The following MCF2L2 variants were observed in gnomAD, a reference collection of about 807,000 sequenced individuals.
The protein encoded by MCF2L2 is MCF.2 cell line derived transforming sequence-like 2.
A neutral mutation model predicts 150.2 loss-of-function variants in MCF2L2; 102 were observed. The ratio of observed to expected loss-of-function variants is 0.68; its 90% CI spans 0.58 to 0.80. The LOEUF (loss-of-function observed/expected upper bound fraction) is 0.80. MCF2L2 is among the 30% of genes least tolerant of loss of function. The pLI is 0.00. For missense variants in MCF2L2, 1,256 were observed against 1,372.8 expected (o/e 0.91, Z 1.34); for synonymous variants, 465 against 491.3 (o/e 0.95, Z 0.71).
At chr3:183,290,532 T>G (rs1728074875) in intron 13 of MCF2L2, among the ~76,000 whole-genome samples, 1 of 151,462 alleles carries the variant, frequency 6.6e-6, no homozygotes, top group Non-Finnish European at 1.5e-5. Context: ...AGCATTTCTT[T>G]CTTTCTTTCT....
At chr3:183,308,851 A>G (rs1729226459) in intron 10 of MCF2L2, among the ~76,000 whole-genome samples, 1 of 152,198 alleles carries the variant, frequency 6.6e-6, no homozygotes, top group Non-Finnish European at 1.5e-5. Flanking sequence ...CACTTTGGCA[A>G]ATCTCTAGTA....
chr3:183,337,165 C>G (rs560026444), intron 5 of MCF2L2, among the ~76,000 whole-genome samples: 4 of 152,220 alleles, frequency 2.6e-5, no homozygotes, highest in African/African-American at 9.6e-5. Context: ...CTTGTATATA[C>G]TTTTCCGCTG....
chr3:183,344,207 T>G (rs1429500473), intron 3 of MCF2L2, among the ~76,000 whole-genome samples: 2 of 152,084 alleles, frequency 1.3e-5, no homozygotes, highest in African/African-American at 4.8e-5. Flanking sequence ...TTATATTGTA[T>G]ATAAAGTGGT....
At chr3:183,405,273 T>A (rs553711119) in intron 1 of MCF2L2, among the ~76,000 whole-genome samples, 93 of 152,356 alleles carry the variant, frequency 6.1e-4, no homozygotes, top group Non-Finnish European at 1.1e-3. Flanking sequence ...CTTTTCTGTA[T>A]TTTCCAAATA....
intron 15 of MCF2L2, among the ~76,000 whole-genome samples, chr3:183,251,079 A>G (rs538567205): frequency 5.9e-5 from 9 of 152,312 alleles, no homozygotes; most frequent in African/African-American, 2.2e-4. Context: ...GGAAACAACC[A>G]GAGTCTCTCT....
chr3:183,320,999 C>G (rs1312456465), intron 6 of MCF2L2, among the ~76,000 whole-genome samples: 1 of 152,162 alleles, frequency 6.6e-6, no homozygotes, highest in Non-Finnish European at 1.5e-5. Context: ...GGGAGAGAGA[C>G]AGGTGATGAC....
intron 27 of MCF2L2, among the ~76,000 whole-genome samples, chr3:183,190,469 C>T (rs1467740891): frequency 6.6e-6 from 1 of 152,188 alleles, no homozygotes; most frequent in Non-Finnish European, 1.5e-5. Flanking sequence ...TCAGATGAAA[C>T]CTGGAAGACA....
intron 1 of MCF2L2, among the ~76,000 whole-genome samples, chr3:183,409,790 A>AG (rs552154488): frequency 5.8e-4 from 88 of 152,132 alleles, no homozygotes; most frequent in Non-Finnish European, 9.3e-4. Context: ...TCTTAACCTC[A>AG]GGTTATCCAG....
At chr3:183,310,586 C>A in intron 9 of MCF2L2, 1 of 313,122 alleles carries the variant, frequency 3.2e-6, no homozygotes, top group African/African-American at 2.2e-5. Flanking sequence ...TAGCTTGAGC[C>A]CAGAAGATCA....
Position 183,224,341 on chromosome 3 carries a change from T to C in MCF2L2, c.2116-151A>G. On this transcript the variant is annotated intron_variant, in intron 18 of 29. Coordinates refer to ENST00000328913, the MANE Select transcript of MCF2L2 (RefSeq NM_015078.4). ...CAGTAAGTAATCTTATGTTGGGATG[T>C]GTGTGTGATGGAGAGATAAACAGAA... The C allele has an allele frequency of 1.3e-5, 8 of 595,774 alleles. No homozygotes were observed. The South Asian group carries it at 1.4e-4, about 11-fold the overall frequency. The allele number at this position is 595,774 out of a possible 1,614,324, so 36.9% of individuals were successfully genotyped here. A position where few individuals can be genotyped will look rare whatever the true frequency, so the allele number is the denominator to read the frequency against.
intron 10 of MCF2L2, among the ~76,000 whole-genome samples, chr3:183,308,928 G>A (rs1325107852): frequency 6.6e-6 from 1 of 152,264 alleles, no homozygotes; most frequent in Non-Finnish European, 1.5e-5. Context: ...AACCACAGGG[G>A]ACTTGGTCCC....
chr3:183,243,948 C>A (rs572392368), intron 15 of MCF2L2, among the ~76,000 whole-genome samples: 114 of 152,188 alleles, frequency 7.5e-4, no homozygotes, highest in African/African-American at 1.8e-3. Context: ...CACAGTGAAA[C>A]CCCATCTCTG....
chr3:183,294,834 T>C (rs556610830), intron 13 of MCF2L2, among the ~76,000 whole-genome samples: 17 of 152,154 alleles, frequency 1.1e-4, no homozygotes, highest in Admixed American at 9.2e-4. Flanking sequence ...TTCACCGTGT[T>C]AGCCAGGATG....
intron 3 of MCF2L2, among the ~76,000 whole-genome samples, chr3:183,344,763 C>T (rs1159289534): frequency 1.3e-5 from 2 of 152,048 alleles, no homozygotes; most frequent in East Asian, 3.9e-4. Flanking sequence ...AAAAAAAAGA[C>T]AGGGGTTGCA....
At chr3:183,272,471 T>C (rs1726860931) in intron 15 of MCF2L2, 1 of 999,560 alleles carries the variant, frequency 1.0e-6, no homozygotes, top group Non-Finnish European at 1.2e-6. Flanking sequence ...AACTGAATGA[T>C]GATACTTACA....
chr3:183,399,604 C>T lies in MCF2L2; in HGVS notation c.77-9825G>A, dbSNP rs151178503. 2.6e-5 allele frequency among the ~76,000 whole-genome samples: 4 copies of T among 152,274 alleles called. No homozygotes were observed. The East Asian group carries it at 7.7e-4, about 29-fold the overall frequency. ...TTCTCACCAGCCCATCGAAGGGAAG[C>T]GCTTTTCTTTTTCTACTCTGAGACC... On this transcript the variant is annotated intron_variant, in intron 1 of 29. Coordinates refer to ENST00000328913, the MANE Select transcript of MCF2L2 (RefSeq NM_015078.4).
intron 15 of MCF2L2, among the ~76,000 whole-genome samples, chr3:183,244,611 T>C (rs1300310099): frequency 2.6e-5 from 4 of 152,164 alleles, no homozygotes; most frequent in Non-Finnish European, 4.4e-5. Flanking sequence ...AAAGCAGATA[T>C]AAACTTAAAG....
rs566988445 is a variant in MCF2L2 at position 183,408,316 on chromosome 3, C to T, written c.77-18537G>A. Among the ~76,000 whole-genome samples, 20 of 152,292 alleles carry T rather than the reference C, an allele frequency of 1.3e-4. No individual in the cohort carries two copies. In the South Asian group the frequency reaches 3.7e-3, roughly 28 times the overall value. ...TCCACGAGCGACCTGGGAATGATGG[C>T]TAACTTTGCCTAAATACTGTCTTAT... On this transcript the variant is annotated intron_variant, in intron 1 of 29. Coordinates refer to ENST00000328913, the MANE Select transcript of MCF2L2 (RefSeq NM_015078.4).
Position 183,315,354 on chromosome 3 carries a change from G to A in MCF2L2, c.753+2714C>T, listed in dbSNP as rs554833064. Among the ~76,000 whole-genome samples the A allele has an allele frequency of 5.3e-5, 8 of 152,158 alleles. No individual in the cohort carries two copies. In the South Asian group the frequency reaches 1.7e-3, roughly 32 times the overall value. ...GGTAAACACTTGGACAAATTAAATC[G>A]CTTTGAGAATTTTGTCTTAAAATAA... On this transcript the variant is annotated intron_variant, in intron 7 of 29. Transcript: ENST00000328913.
Sources: allele counts gnomAD v4.1 joint callset (sites outside exome capture counted in the v4.1 genomes callset), GRCh38; gene constraint gnomAD v4.1.1; transcripts MANE v1.5; gene names NCBI Gene and HGNC (gene_info 2026-07-23, HGNC 2026-07-21).